CADM2: variants seen among roughly 807,000 people sequenced by gnomAD.
CADM2 encodes cell adhesion molecule 2, also known as immunoglobulin superfamily member 4D.
A neutral mutation model predicts 49.8 loss-of-function variants in CADM2; 12 were observed. That is an observed-to-expected ratio of 0.24 (90% confidence interval 0.15 to 0.39). CADM2 has a LOEUF of 0.39. Among genes scored for constraint, CADM2 ranks in the 10% least tolerant of loss-of-function variants. CADM2 has a pLI of 1.00. For synonymous variants in CADM2, 214 were observed against 175.4 expected (o/e 1.22, Z -1.74); for missense variants, 378 against 492.3 (o/e 0.77, Z 2.20).
chr3:85,841,483 C>G (rs2074635384), intron 3 of CADM2, among the ~76,000 whole-genome samples: 1 of 151,828 alleles, frequency 6.6e-6, no homozygotes, highest in Non-Finnish European at 1.5e-5. Context: ...ATTTTGTTTA[C>G]TATTCTTGTT....
At chr3:86,064,597 T>A (rs1005995114) in intron 8 of CADM2, among the ~76,000 whole-genome samples, 8 of 152,134 alleles carry the variant, frequency 5.3e-5, no homozygotes, top group African/African-American at 1.7e-4. Context: ...GGTCAAATGG[T>A]ATTTCTAGTT....
At chr3:85,685,231 T>A (rs1246570177) in intron 1 of CADM2, among the ~76,000 whole-genome samples, 1 of 152,194 alleles carries the variant, frequency 6.6e-6, no homozygotes, top group East Asian at 1.9e-4. Flanking sequence ...GACCCGTTGG[T>A]CTAAAAGATA....
chr3:85,909,139 A>T (rs1717218763), intron 5 of CADM2, among the ~76,000 whole-genome samples: 1 of 152,114 alleles, frequency 6.6e-6, no homozygotes, highest in Non-Finnish European at 1.5e-5. Flanking sequence ...GATGTAGAGC[A>T]TTTCCTTAAC....
At chr3:85,310,767 G>A (rs1033124160) in intron 1 of CADM2, among the ~76,000 whole-genome samples, 1 of 152,056 alleles carries the variant, frequency 6.6e-6, no homozygotes, top group African/African-American at 2.4e-5. Context: ...CTGAAAGTAT[G>A]GAAGCAGGAA....
chr3:85,758,124 G>A (rs903174223), intron 2 of CADM2, among the ~76,000 whole-genome samples: 26 of 152,284 alleles, frequency 1.7e-4, no homozygotes, highest in African/African-American at 6.3e-4. Context: ...GCTGGGAAAT[G>A]TTTTGGTGGT....
chr3:84,962,305 G>T (rs753142516), intron 1 of CADM2, among the ~76,000 whole-genome samples: 1 of 151,540 alleles, frequency 6.6e-6, no homozygotes, highest in Non-Finnish European at 1.5e-5. Flanking sequence ...AGAGGAGGGG[G>T]CACAAAGCAC....
At chr3:85,032,786 C>G (rs2035043132) in intron 1 of CADM2, among the ~76,000 whole-genome samples, 1 of 152,056 alleles carries the variant, frequency 6.6e-6, no homozygotes, top group Admixed American at 6.5e-5. Context: ...TCCTGCATGA[C>G]TTACCTTGAA....
chr3:85,724,341 A>C (rs537988723), intron 1 of CADM2, among the ~76,000 whole-genome samples: 1 of 151,872 alleles, frequency 6.6e-6, no homozygotes, highest in Non-Finnish European at 1.5e-5. Flanking sequence ...TTAAGTCTTC[A>C]TCTTTATCCA....
chr3:85,046,318 T>C (rs2035651683), intron 1 of CADM2, among the ~76,000 whole-genome samples: 1 of 151,074 alleles, frequency 6.6e-6, no homozygotes, highest in African/African-American at 2.4e-5. Flanking sequence ...CTTTACAATT[T>C]TCTTTTTTTT....
chr3:85,259,637 T>C (rs562669010), intron 1 of CADM2, among the ~76,000 whole-genome samples: 1 of 152,250 alleles, frequency 6.6e-6, no homozygotes, highest in Admixed American at 6.5e-5. Flanking sequence ...TACATTGCTT[T>C]TGAGCAATTT....
chr3:85,087,412 A>T (rs9814406), intron 1 of CADM2, among the ~76,000 whole-genome samples: 12 of 152,320 alleles, frequency 7.9e-5, no homozygotes, highest in African/African-American at 2.9e-4. Flanking sequence ...GCAAGCAAAT[A>T]AAATTATTCC....
intron 3 of CADM2, among the ~76,000 whole-genome samples, chr3:85,852,156 A>T (rs1443035607): frequency 1.3e-5 from 2 of 152,022 alleles, no homozygotes; most frequent in African/African-American, 4.8e-5. Context: ...AGTACTAAGT[A>T]TTTACTGCAT....
intron 1 of CADM2, among the ~76,000 whole-genome samples, chr3:85,061,690 C>A (rs964560559): frequency 1.3e-5 from 2 of 152,060 alleles, no homozygotes; most frequent in African/African-American, 2.4e-5. Context: ...AGTGTAAGTT[C>A]TACTTCCTAG....
intron 1 of CADM2, among the ~76,000 whole-genome samples, chr3:85,582,088 G>A (rs953840420): frequency 6.6e-6 from 1 of 151,988 alleles, no homozygotes; most frequent in African/African-American, 2.4e-5. Context: ...ACCAAGTCCA[G>A]CTAATTTTTG....
chr3:85,361,500 G>T (rs567867126), intron 1 of CADM2, among the ~76,000 whole-genome samples: 75 of 152,254 alleles, frequency 4.9e-4, no homozygotes, highest in Non-Finnish European at 9.4e-4. Context: ...GGCAAGCATG[G>T]TGATGGGCCT....
At chr3:85,309,946 T>G (rs2044304643) in intron 1 of CADM2, among the ~76,000 whole-genome samples, 1 of 152,212 alleles carries the variant, frequency 6.6e-6, no homozygotes, top group Non-Finnish European at 1.5e-5. Flanking sequence ...AAACTGCTAT[T>G]GAAGATACTG....
chr3:86,055,470 T>TTTTTG (rs1737823356), intron 8 of CADM2, among the ~76,000 whole-genome samples: 1 of 131,992 alleles, frequency 7.6e-6, no homozygotes, highest in African/African-American at 2.9e-5. Context: ...TTTTTTTTTT[T>TTTTTG]TTTTTTTTTG....
chr3:85,839,271 G>T lies in CADM2; in HGVS notation c.238+37075G>T, dbSNP rs527882300. 2.6e-5 allele frequency among the ~76,000 whole-genome samples: 4 copies of T among 151,748 alleles called. No individual in the cohort carries two copies. In the East Asian group the frequency reaches 7.8e-4, roughly 30 times the overall value. ...ACTGGCAAGGTCAACCCTCATTTTA[G>T]TTATTGAAATAGTATAATTTCTTCT... is the stretch of plus-strand genomic sequence containing the variant. On this transcript the variant is annotated intron_variant, in intron 3 of 9. Coordinates refer to ENST00000383699, the MANE Select transcript of CADM2 (RefSeq NM_001167675.2).
intron 1 of CADM2, among the ~76,000 whole-genome samples, chr3:85,017,276 A>T (rs1050757196): frequency 2.6e-5 from 4 of 152,130 alleles, no homozygotes; most frequent in Admixed American, 2.6e-4. Flanking sequence ...AGGTGAGAGG[A>T]AGACAGAATG....
Sources: gnomAD v4.1 joint callset for allele counts (sites outside exome capture counted in the v4.1 genomes callset) on GRCh38, gnomAD v4.1.1 for gene constraint, MANE v1.5 for transcripts, NCBI Gene and HGNC (gene_info 2026-07-23, HGNC 2026-07-21) for gene names.